FBXO42: variants seen among roughly 807,000 people sequenced by gnomAD.
The protein encoded by FBXO42 is F-box only protein 42.
A neutral mutation model predicts 71.7 loss-of-function variants in FBXO42; 12 were observed. The observed-to-expected ratio is 0.17, with a 90% confidence interval of 0.11 to 0.27. The LOEUF (loss-of-function observed/expected upper bound fraction) is 0.27. FBXO42 is among the 10% of genes least tolerant of loss of function. The probability of loss-of-function intolerance (pLI) is 1.00; values close to 1 mark genes in which losing one functional copy is unlikely to be tolerated. For synonymous variants in FBXO42, 325 were observed against 327.5 expected, an observed-to-expected ratio of 0.99 and a Z score of 0.08; for missense variants, 707 against 911.9, an observed-to-expected ratio of 0.78 and a Z score of 2.89.
intron 4 of FBXO42, among the ~76,000 whole-genome samples, chr1:16,288,378 C>T (rs2082043137): frequency 2.0e-5 from 3 of 150,976 alleles, no homozygotes; most frequent in South Asian, 4.2e-4. Context: ...TGCAATGAGC[C>T]CAGATCGCAC....
At chr1:16,297,442 G>A (rs2082141464) in intron 3 of FBXO42, among the ~76,000 whole-genome samples, 1 of 152,130 alleles carries the variant, frequency 6.6e-6, no homozygotes, top group Non-Finnish European at 1.5e-5. Context: ...TGGAATAATG[G>A]AGCTGCAGGC....
At chr1:16,323,038 T>C (rs2082420485) in intron 1 of FBXO42, among the ~76,000 whole-genome samples, 1 of 152,256 alleles carries the variant, frequency 6.6e-6, no homozygotes, top group Admixed American at 6.5e-5. Flanking sequence ...ACATCTTTAT[T>C]AAAGTTGGAA....
chr1:16,310,766 A>G (rs1405574715), intron 2 of FBXO42, among the ~76,000 whole-genome samples: 1 of 151,972 alleles, frequency 6.6e-6, no homozygotes, highest in Admixed American at 6.6e-5. Context: ...CAGGTGCTCA[A>G]ATAAATTAAA....
intron 4 of FBXO42, among the ~76,000 whole-genome samples, chr1:16,275,478 G>A (rs1035226640): frequency 2.0e-5 from 3 of 152,086 alleles, no homozygotes; most frequent in African/African-American, 7.2e-5. Context: ...AAATAGCTGG[G>A]CATAGTGGTT....
intron 4 of FBXO42, among the ~76,000 whole-genome samples, chr1:16,285,072 G>C (rs1231591316): frequency 6.6e-6 from 1 of 151,724 alleles, no homozygotes; most frequent in Non-Finnish European, 1.5e-5. Context: ...CTTGAACCTA[G>C]TTGGCGGAGG....
rs1329301924 is a variant in FBXO42 at position 16,249,457 on chromosome 1, TCACCA to T, written c.*1208_*1212del. Reference sequence around the variant, plus strand: ...CAATAGCCAGGAAGAGGAATATATGTCACCACAAGGAAAAAAACATTTCTAAAAAG... The same window carrying T: ...CAATAGCCAGGAAGAGGAATATATGTCAAGGAAAAAAACATTTCTAAAAAG... On this transcript the variant is annotated 3_prime_UTR_variant, in exon 10 of 10. Coordinates refer to ENST00000375592, the MANE Select transcript of FBXO42 (RefSeq NM_018994.3). 2.6e-5 allele frequency: 4 copies of T among 152,170 alleles called. No individual in the cohort carries two copies. The highest frequency in any genetic ancestry group is 2.9e-5 in the Non-Finnish European group (2 of 68,036). 9.4% of individuals were successfully genotyped at this position (152,170 alleles called of 1,614,324 possible). A position where few individuals can be genotyped will look rare whatever the true frequency, so the allele number is the denominator to read the frequency against.
chr1:16,309,088 G>A (rs2082286269), intron 2 of FBXO42, among the ~76,000 whole-genome samples: 1 of 79,036 alleles, frequency 1.3e-5, no homozygotes, highest in East Asian at 4.6e-4. Flanking sequence ...TTTTTTTTGA[G>A]ACAGAGTGTC....
chr1:16,271,105 A>C (rs1350526789), intron 4 of FBXO42, among the ~76,000 whole-genome samples: 2 of 152,134 alleles, frequency 1.3e-5, no homozygotes, highest in Non-Finnish European at 2.9e-5. Flanking sequence ...AGGCAGAAAT[A>C]GCAAGAGCAG....
At chr1:16,278,838 G>A (rs1400396891) in intron 4 of FBXO42, among the ~76,000 whole-genome samples, 2 of 151,974 alleles carry the variant, frequency 1.3e-5, no homozygotes, top group Non-Finnish European at 2.9e-5. Flanking sequence ...GAATGTAATG[G>A]CGCAATCTTG....
intron 4 of FBXO42, among the ~76,000 whole-genome samples, chr1:16,282,062 G>A (rs1299869186): frequency 2.0e-5 from 3 of 151,846 alleles, no homozygotes; most frequent in Admixed American, 2.0e-4. Context: ...GCTTCCTAAT[G>A]ATAGCTGAGG....
intron 7 of FBXO42, 151 bp downstream of exon 7, chr1:16,253,484 G>T: frequency 1.5e-6 from 1 of 660,632 alleles, no homozygotes; most frequent in Non-Finnish European, 2.6e-6. Context: ...TGACCCATTA[G>T]AAGTTGAAAA....
At chr1:16,275,301 T>C (rs2081888342) in intron 4 of FBXO42, among the ~76,000 whole-genome samples, 1 of 152,170 alleles carries the variant, frequency 6.6e-6, no homozygotes, top group South Asian at 2.1e-4. Context: ...AGGGGCACAA[T>C]TTATTTGAAA....
intron 3 of FBXO42, among the ~76,000 whole-genome samples, chr1:16,303,471 G>A (rs1280762448): frequency 6.6e-6 from 1 of 152,154 alleles, no homozygotes; most frequent in Non-Finnish European, 1.5e-5. Flanking sequence ...ATTTCCGAAT[G>A]TCAGAGGAGG....
At chr1:16,348,598 G>A (rs925343213) in intron 1 of FBXO42, among the ~76,000 whole-genome samples, 4 of 152,130 alleles carry the variant, frequency 2.6e-5, no homozygotes, top group African/African-American at 9.7e-5. Flanking sequence ...CTACTCGGGA[G>A]GCTGAGGCAG....
At chr1:16,264,919 A>G (rs190929916) in intron 4 of FBXO42, among the ~76,000 whole-genome samples, 30 of 152,356 alleles carry the variant, frequency 2.0e-4, no homozygotes, top group Non-Finnish European at 3.4e-4. Flanking sequence ...GAAGCTGGTT[A>G]AACAGTGAAG....
intron 4 of FBXO42, among the ~76,000 whole-genome samples, chr1:16,288,715 T>C (rs888153692): frequency 2.6e-5 from 4 of 152,042 alleles, no homozygotes; most frequent in African/African-American, 9.7e-5. Context: ...CCCAGCACTT[T>C]GGGAGGCCAA....
chr1:16,320,071 G>A lies in FBXO42; in HGVS notation c.-17-4636C>T, dbSNP rs1005787361. 1.2e-4 allele frequency among the ~76,000 whole-genome samples: 18 copies of A among 151,806 alleles called. 1 individual carries two copies. In the East Asian group the frequency reaches 2.7e-3, roughly 23 times the overall value. On this transcript the variant is annotated intron_variant, in intron 1 of 9. Coordinates refer to ENST00000375592, the MANE Select transcript of FBXO42 (RefSeq NM_018994.3). ...CCAGCCCAAATTCCTATCCTAAAAC[G>A]TACAGTCGCCGAGCATGGTGGCTCA...
intron 3 of FBXO42, among the ~76,000 whole-genome samples, chr1:16,297,562 A>C (rs1038659768): frequency 1.3e-5 from 2 of 152,144 alleles, no homozygotes; most frequent in Non-Finnish European, 2.9e-5. Flanking sequence ...CCAGAACTCT[A>C]CTAAGAAGTC....
intron 1 of FBXO42, among the ~76,000 whole-genome samples, chr1:16,344,578 T>C (rs1338754296): frequency 6.7e-6 from 1 of 149,674 alleles, no homozygotes; most frequent in Non-Finnish European, 1.5e-5. Flanking sequence ...TCAGGTGATC[T>C]GCCCACCTCA....
Sources: allele counts gnomAD v4.1 joint callset (sites outside exome capture counted in the v4.1 genomes callset), GRCh38; gene constraint gnomAD v4.1.1; transcripts MANE v1.5; gene names NCBI Gene and HGNC (gene_info 2026-07-23, HGNC 2026-07-21).